PTPN6: variants seen among roughly 807,000 people sequenced by gnomAD.
The protein encoded by PTPN6 is tyrosine-protein phosphatase non-receptor type 6.
PTPN6 carries 18 observed loss-of-function variants against 81.5 expected under a neutral mutation model. The observed-to-expected ratio is 0.22, with a 90% CI of 0.15 to 0.33. The LOEUF is 0.33. PTPN6 is among the 10% of genes least tolerant of loss of function. The pLI is 1.00. For missense variants in PTPN6, 500 were observed against 794.2 expected, an observed-to-expected ratio of 0.63 and a Z score of 4.45; for synonymous variants, 301 against 310.9, an observed-to-expected ratio of 0.97 and a Z score of 0.33.
At position 6,952,388 on chromosome 12, in the gene PTPN6, C is replaced by T. The variant is rs1181976272; in HGVS notation, c.326+211C>T. The stretch of plus-strand genomic sequence containing the variant: ...ACCTACCACCCTTTCCACCTAACCC[C>T]GAGGAAGCCACAGAAAGCTGCCTCG... On this transcript the variant is annotated intron_variant, in intron 3 of 15. Transcript: ENST00000318974. The surrounding 1 kb of genome is among the most constrained non-coding windows in gnomAD (Gnocchi z 8.1). The T allele has an allele frequency of 3.6e-5, 23 of 631,830 alleles. No individual in the cohort carries two copies. The highest frequency in any genetic ancestry group is 1.1e-4 in the East Asian group (4 of 35,822). The allele number at this position is 631,830 out of a possible 1,614,324, so 39.1% of individuals were successfully genotyped here. A position where few individuals can be genotyped will look rare whatever the true frequency, so the allele number is the denominator to read the frequency against.
chr12:6,957,628 A>G lies in PTPN6; in HGVS notation c.1075-26A>G. 1 of 1,608,936 alleles carries G rather than the reference A, an allele frequency of 6.2e-7. No homozygotes were observed. Among genetic ancestry groups the G allele is most frequent in the Non-Finnish European group, 8.5e-7 (1 of 1,177,814 alleles). ...GCCACAGTGCCCTGCTCTGTGCCTC[A>G]TCCCCACCCGACCCTCCCTTTCCAG... is the stretch of plus-strand genomic sequence containing the variant. On this transcript the variant is annotated intron_variant, in intron 9 of 15. Transcript: ENST00000318974. This position sits in a 1 kb window ranked among gnomAD's most constrained non-coding sequence, Gnocchi z 6.5.
At position 6,952,523 on chromosome 12, in the gene PTPN6, T is replaced by G; in HGVS notation, c.326+346T>G. ...GCCAGCTCTGTTGTTAGAAAGCTCT[T>G]CTTCCTCTGGAATCGAGCCTGCCTT... On this transcript the variant is annotated intron_variant, in intron 3 of 15. Transcript: ENST00000318974. The surrounding 1 kb of genome is among the most constrained non-coding windows in gnomAD (Gnocchi z 8.1). 2.5e-6 allele frequency: 1 copy of G among 394,514 alleles called. No individual in the cohort carries two copies. Among genetic ancestry groups the G allele is most frequent in the Non-Finnish European group, 4.8e-6 (1 of 209,310 alleles). The allele number at this position is 394,514 out of a possible 1,614,324, so 24.4% of individuals were successfully genotyped here.
In PTPN6 at chr12:6,951,648, C is replaced by T. The variant is rs374550116; in HGVS notation, c.48C>T (p.Thr16=). The T allele has an allele frequency of 1.9e-6, 3 of 1,613,796 alleles. No homozygotes were observed. Among genetic ancestry groups the T allele is most frequent in the Non-Finnish European group, 8.5e-7 (1 of 1,179,950 alleles). The change falls in exon 2 of 16, where the codon ACC becomes ACT. Residue 16 remains threonine (T), a synonymous_variant. Coordinates refer to ENST00000318974, the MANE Select transcript of PTPN6 (RefSeq NM_002831.6). The surrounding 1 kb of genome is among the most constrained non-coding windows in gnomAD (Gnocchi z 7.2). ...HRDLSGLDAE[T]LLKGRGVHGS... ...ACCTCAGTGGGCTGGATGCAGAGACCCTGCTCAAGGGCCGAGGTGTCCACG... is the reference window on the plus strand; with the variant it reads ...ACCTCAGTGGGCTGGATGCAGAGACTCTGCTCAAGGGCCGAGGTGTCCACG...
Position 6,957,452 on chromosome 12 carries a change from G to A in PTPN6, c.1075-202G>A, listed in dbSNP as rs977344478. On this transcript the variant is annotated intron_variant, in intron 9 of 15. Coordinates refer to ENST00000318974, the MANE Select transcript of PTPN6 (RefSeq NM_002831.6). This position sits in a 1 kb window ranked among gnomAD's most constrained non-coding sequence, Gnocchi z 6.5. ...TTGTTGAATGACAAACGGATGTACC[G>A]GTGAAGTGGCTGGCCAGGCCTCACC... is the stretch of plus-strand genomic sequence containing the variant. Among the ~76,000 whole-genome samples, 3 of 152,230 alleles carry A rather than the reference G, an allele frequency of 2.0e-5. No individual in the cohort carries two copies. Among genetic ancestry groups the A allele is most frequent in the Admixed American group, 6.5e-5 (1 of 15,286 alleles).
At position 6,960,807 on chromosome 12, in the gene PTPN6, C is replaced by T. The variant is rs1946125383; in HGVS notation, c.1675C>T (p.His559Tyr). 6.4e-7 allele frequency: 1 copy of T among 1,561,960 alleles called. No individual in the cohort carries two copies. The highest frequency in any genetic ancestry group is 8.7e-7 in the Non-Finnish European group (1 of 1,152,584). The change falls in exon 15 of 16, where the codon CAC becomes TAC. Residue 559 changes from histidine (H) to tyrosine (Y), a missense_variant and splice_region_variant. Around this residue, in one of 6 missense-constraint regions of PTPN6, gnomAD observed 56 missense variants for 56.4 expected, o/e 0.99. Transcript: ENST00000318974. This position sits in a 1 kb window ranked among gnomAD's most constrained non-coding sequence, Gnocchi z 6.1. ...TTGCCCCCCTGCACCCGGCTGCAGA[C>T]ACAAGGAGGATGTGTATGAGAACCT... is the stretch of plus-strand genomic sequence containing the variant. ...HAKASRTSSK[H>Y]KEDVYENLHT...
chr12:6,957,713 T>C lies in PTPN6; in HGVS notation c.1134T>C (p.Ser378=). Residue 378 remains serine (S), a synonymous_variant, in exon 10 of 16, where the codon TCT becomes TCC. Transcript: ENST00000318974. This position sits in a 1 kb window ranked among gnomAD's most constrained non-coding sequence, Gnocchi z 6.5. ...VGMQRAYGPY[S]VTNCGEHDTT... ...TGCAGCGTGCTTATGGGCCCTACTC[T>C]GTGACCAACTGCGGGGAGCATGACA... 1.3e-6 allele frequency: 2 copies of C among 1,579,034 alleles called. No homozygotes were observed. Among genetic ancestry groups the C allele is most frequent in the South Asian group, 2.2e-5 (2 of 90,562 alleles).
upstream of PTPN6, chr12:6,946,748 C>T (rs1945825241): frequency 6.2e-7 from 1 of 1,610,440 alleles, no homozygotes; most frequent in Non-Finnish European, 8.5e-7. Context: ...GGGTAAGTCC[C>T]GGGCACCATC....
Position 6,954,975 on chromosome 12 carries a change from A to C in PTPN6, c.497A>C (p.His166Pro). ...AGPGSPLRVT[H>P]IKVMCEGGRY... ...CCAGGCTCCCCGCTCAGGGTCACCC[A>C]CATCAAGGTCATGTGCGAGGTAAGG... The change falls in exon 4 of 16, where the codon CAC becomes CCC. Residue 166 changes from histidine to proline, a missense_variant. This residue lies in a region of PTPN6 where 96 missense variants were observed against 137.3 expected (regional missense o/e 0.70). Coordinates refer to ENST00000318974, the MANE Select transcript of PTPN6 (RefSeq NM_002831.6). The surrounding 1 kb of genome is among the most constrained non-coding windows in gnomAD (Gnocchi z 5.4). 1 of 1,614,104 alleles carries C rather than the reference A, an allele frequency of 6.2e-7. No individual in the cohort carries two copies. Among genetic ancestry groups the C allele is most frequent in the Non-Finnish European group, 8.5e-7 (1 of 1,180,018 alleles).
In PTPN6 at chr12:6,960,270, G is replaced by GC; in HGVS notation, c.1581+31_1581+32insC. On this transcript the variant is annotated intron_variant, in intron 13 of 15. Transcript: ENST00000318974. The surrounding 1 kb of genome is among the most constrained non-coding windows in gnomAD (Gnocchi z 6.1). ...TGCAGAGCAGGGCCTGGGGGGGGGG[G>GC]GGGCTGCAGTGCAGGATGGGTGCCA... 1 of 1,605,240 alleles carries GC rather than the reference G, an allele frequency of 6.2e-7. No individual in the cohort carries two copies.
Position 6,958,071 on chromosome 12 carries a change from C to T in PTPN6, c.1359C>T (p.Cys453=), listed in dbSNP as rs1555149063. Residue 453 remains cysteine (C), a splice_region_variant and synonymous_variant, in exon 11 of 16, where the codon TGC becomes TGT. Transcript: ENST00000318974. ...LPHAGPIIVH[C]SAGIGRTGTI... is the part of the protein sequence containing the mutation. ...ACGCAGGGCCCATCATCGTGCACTG[C>T]AGGTGAGGATGATAATCCTGATGGT... 1.3e-5 allele frequency: 21 copies of T among 1,610,708 alleles called. No individual in the cohort carries two copies. The highest frequency in any genetic ancestry group is 1.7e-5 in the Non-Finnish European group (20 of 1,179,994).
chr12:6,955,188 A>C lies in PTPN6; in HGVS notation c.554A>C (p.Asp185Ala), dbSNP rs1591687142. ...RYTVGGLETF[D>A]SLTDLVEHFK... ...ACAGTGGGTGGTTTGGAGACCTTCG[A>C]CAGCCTCACGGACCTGGTGGAGCAT... Residue 185 changes from aspartate to alanine, a missense_variant, in exon 5 of 16, where the codon GAC becomes GCC. Physicochemically the swap from Asp to Ala is moderately radical, Grantham distance 126. This residue lies in a region of PTPN6 where 96 missense variants were observed against 137.3 expected (regional missense o/e 0.70). Transcript: ENST00000318974. This position sits in a 1 kb window ranked among gnomAD's most constrained non-coding sequence, Gnocchi z 7.2. 6.2e-7 allele frequency: 1 copy of C among 1,614,192 alleles called. No homozygotes were observed. Among genetic ancestry groups the C allele is most frequent in the East Asian group, 2.2e-5 (1 of 44,892 alleles).
Position 6,956,273 on chromosome 12 carries a change from G to A in PTPN6, c.924+52G>A, listed in dbSNP as rs41306936. On this transcript the variant is annotated intron_variant, in intron 8 of 15. Transcript: ENST00000318974. This position sits in a 1 kb window ranked among gnomAD's most constrained non-coding sequence, Gnocchi z 4.1. ...AGAGGCTGGGCCCTGGGAATTCCCT[G>A]TCTGGTGGGGGGACCCTAGATCCAG... 118 of 1,610,190 alleles carry A rather than the reference G, an allele frequency of 7.3e-5. No homozygotes were observed. Among genetic ancestry groups the A allele is most frequent in the Middle Eastern group, 4.9e-4 (3 of 6,080 alleles).
chr12:6,954,772 G>C lies in PTPN6; in HGVS notation c.327-33G>C, dbSNP rs1555148289. ...TGCTCAGCGCCTTCCCCTGTGGCCTGGGTCTTACCTTCCCTGACGCTGCCT... is the reference window on the plus strand; with the variant it reads ...TGCTCAGCGCCTTCCCCTGTGGCCTCGGTCTTACCTTCCCTGACGCTGCCT... On this transcript the variant is annotated intron_variant, in intron 3 of 15. Coordinates refer to ENST00000318974, the MANE Select transcript of PTPN6 (RefSeq NM_002831.6). This position sits in a 1 kb window ranked among gnomAD's most constrained non-coding sequence, Gnocchi z 5.4. The C allele has an allele frequency of 6.2e-7, 1 of 1,605,438 alleles. No homozygotes were observed. The highest frequency in any genetic ancestry group is 8.5e-7 in the Non-Finnish European group (1 of 1,176,344).
upstream of PTPN6, among the ~76,000 whole-genome samples, chr12:6,947,796 C>T (rs782261435): frequency 3.3e-5 from 5 of 152,082 alleles, no homozygotes; most frequent in East Asian, 9.7e-4. Flanking sequence ...GAGCTGAGAC[C>T]CGGATGAGGA....
chr12:6,948,434 CAAAA>C (rs1262721721), upstream of PTPN6, among the ~76,000 whole-genome samples: 8 of 45,470 alleles, frequency 1.8e-4, no homozygotes, highest in African/African-American at 2.3e-4. Context: ...GATTCTGTGT[CAAAA>C]AAAAAAAAAA....
rs1555149304 is a variant in PTPN6 at position 6,959,322 on chromosome 12, A to T, written c.1362-605A>T. The stretch of plus-strand genomic sequence containing the variant: ...TGACAATCTGGGTTTGAAATTAGAC[A>T]GCGCGACTCAGGGCATCAGCTTGCT... On this transcript the variant is annotated intron_variant, in intron 11 of 15. Transcript: ENST00000318974. This position sits in a 1 kb window ranked among gnomAD's most constrained non-coding sequence, Gnocchi z 6.6. 6.3e-6 allele frequency: 1 copy of T among 158,476 alleles called. No individual in the cohort carries two copies. The highest frequency in any genetic ancestry group is 2.4e-5 in the African/African-American group (1 of 41,370). 9.8% of individuals were successfully genotyped at this position (158,476 alleles called of 1,614,324 possible).
Position 6,952,197 on chromosome 12 carries a change from G to C in PTPN6, c.326+20G>C. 4 of 1,612,630 alleles carry C rather than the reference G, an allele frequency of 2.5e-6. No individual in the cohort carries two copies. The highest frequency in any genetic ancestry group is 3.4e-6 in the Non-Finnish European group (4 of 1,179,706). On this transcript the variant is annotated intron_variant, in intron 3 of 15. Coordinates refer to ENST00000318974, the MANE Select transcript of PTPN6 (RefSeq NM_002831.6). The surrounding 1 kb of genome is among the most constrained non-coding windows in gnomAD (Gnocchi z 8.1). The stretch of plus-strand genomic sequence containing the variant: ...TGAGAGGTGAGGGCTCCGCACCCCC[G>C]CCATTCCCAAGCAGGGATGAGCCGG...
chr12:6,956,717 A>G lies in PTPN6; in HGVS notation c.1074+149A>G. 9.2e-7 allele frequency: 1 copy of G among 1,083,408 alleles called. No homozygotes were observed. The highest frequency in any genetic ancestry group is 1.4e-5 in the South Asian group (1 of 68,978). The allele number at this position is 1,083,408 out of a possible 1,614,324, so 67.1% of individuals were successfully genotyped here. ...ACTGAGGGCTAGTGACAAAGTCTCG[A>G]CTACACAACGTGACCCCCAGATCCC... On this transcript the variant is annotated intron_variant, in intron 9 of 15. Coordinates refer to ENST00000318974, the MANE Select transcript of PTPN6 (RefSeq NM_002831.6). This position sits in a 1 kb window ranked among gnomAD's most constrained non-coding sequence, Gnocchi z 4.1.
upstream of PTPN6, among the ~76,000 whole-genome samples, chr12:6,949,317 G>A (rs944779253): frequency 5.3e-5 from 8 of 152,308 alleles, no homozygotes; most frequent in Admixed American, 2.6e-4. Flanking sequence ...GACTCTGTGC[G>A]TGCCACCTCT....
Sources: allele counts gnomAD v4.1 joint callset (sites outside exome capture counted in the v4.1 genomes callset), GRCh38; gene constraint gnomAD v4.1.1; regional missense constraint gnomAD v4.1.1; non-coding constraint Gnocchi (gnomAD v3.1); transcripts MANE v1.5; gene names NCBI Gene and HGNC (gene_info 2026-07-23, HGNC 2026-07-21).